The following RUNX1 variants were observed in gnomAD, a reference collection of about 807,000 sequenced individuals.
RUNX1 encodes the protein RUNX family transcription factor 1.
In RUNX1, 19 loss-of-function variants were observed where a neutral mutation model predicts 42.8. The ratio of observed to expected loss-of-function variants is 0.44; its 90% CI spans 0.31 to 0.65. The LOEUF (loss-of-function observed/expected upper bound fraction) is 0.65. Among genes scored for constraint, RUNX1 ranks in the 30% least tolerant of loss-of-function variants. The pLI, the probability that RUNX1 is intolerant of heterozygous loss-of-function variation, is 0.07. For synonymous variants in RUNX1, 271 were observed against 289.4 expected (o/e 0.94, Z 0.64); for missense variants, 528 against 672.0 (o/e 0.79, Z 2.37).
intron 7 of RUNX1, chr21:34,834,193 G>A (rs2057105770): frequency 1.4e-6 from 1 of 698,582 alleles, no homozygotes. Context: ...TGGGGATCTG[G>A]TTACAATGCA....
intron 2 of RUNX1, among the ~76,000 whole-genome samples, chr21:35,019,591 C>A (rs893786632): frequency 2.0e-5 from 3 of 152,142 alleles, no homozygotes; most frequent in Admixed American, 1.3e-4. Flanking sequence ...ATTCTGGAAT[C>A]ACAGCAAGAA....
At chr21:34,864,440 G>A (rs1345106287) in intron 5 of RUNX1, among the ~76,000 whole-genome samples, 1 of 152,218 alleles carries the variant, frequency 6.6e-6, no homozygotes, top group Non-Finnish European at 1.5e-5. Flanking sequence ...TGGAAGGATG[G>A]GGCTGCTGCC....
At chr21:34,823,214 C>G (rs946706223) in intron 7 of RUNX1, among the ~76,000 whole-genome samples, 30 of 152,204 alleles carry the variant, frequency 2.0e-4, no homozygotes, top group Admixed American at 1.9e-3. Context: ...CACAGATCTT[C>G]CCTAGGGATG....
At chr21:34,925,190 G>A (rs1306473398) in intron 2 of RUNX1, among the ~76,000 whole-genome samples, 2 of 152,122 alleles carry the variant, frequency 1.3e-5, no homozygotes, top group African/African-American at 4.8e-5. Context: ...CCATAGCACT[G>A]GTAGTTTGGG....
chr21:34,838,444 C>T (rs1018823765), intron 6 of RUNX1, among the ~76,000 whole-genome samples: 23 of 152,150 alleles, frequency 1.5e-4, no homozygotes, highest in African/African-American at 3.4e-4. Flanking sequence ...CATGATGAGC[C>T]GTTGAGCCAA....
At position 34,851,198 on chromosome 21, in the gene RUNX1, A is replaced by G. The variant is rs1336483469; in HGVS notation, c.613+8276T>C. ...TTCAGAACAAATTAGAAAGCCCTTT[A>G]AAAACTTTACAGCAAAAAAACGACG... On this transcript the variant is annotated intron_variant, in intron 6 of 8. Transcript: ENST00000675419. Among the ~76,000 whole-genome samples, 5 of 152,190 alleles carry G rather than the reference A, an allele frequency of 3.3e-5. No individual in the cohort carries two copies. In the East Asian group the frequency reaches 9.6e-4, roughly 29 times the overall value.
At position 34,973,398 on chromosome 21, in the gene RUNX1, G is replaced by A. The variant is rs145937490; in HGVS notation, c.58+75444C>T. ...TGGCTTCCTGACCTGGATTGGACAAGTCACATAATCTTTCCAGGACTAATC... is the reference window on the plus strand; with the variant it reads ...TGGCTTCCTGACCTGGATTGGACAAATCACATAATCTTTCCAGGACTAATC... On this transcript the variant is annotated intron_variant, in intron 2 of 8. Coordinates refer to ENST00000675419, the MANE Select transcript of RUNX1 (RefSeq NM_001754.5). Among the ~76,000 whole-genome samples the A allele has an allele frequency of 4.6e-5, 7 of 152,310 alleles. No homozygotes were observed. The East Asian group carries it at 1.3e-3, about 29-fold the overall frequency.
intron 2 of RUNX1, among the ~76,000 whole-genome samples, chr21:35,047,844 AC>A (rs1294601082): frequency 6.6e-6 from 1 of 152,206 alleles, no homozygotes; most frequent in Admixed American, 6.5e-5. Flanking sequence ...CTTTGCAGGC[AC>A]TGGTCAGAGT....
At chr21:34,876,116 G>A (rs1569075653) in intron 5 of RUNX1, among the ~76,000 whole-genome samples, 1 of 152,182 alleles carries the variant, frequency 6.6e-6, no homozygotes, top group Non-Finnish European at 1.5e-5. Context: ...CATCCTGACA[G>A]GCCACAGAAC....
chr21:34,908,935 CTG>C (rs574417905), intron 2 of RUNX1, among the ~76,000 whole-genome samples: 1 of 151,260 alleles, frequency 6.6e-6, no homozygotes, highest in African/African-American at 2.4e-5. Flanking sequence ...GCTGGTGTGT[CTG>C]TGTGTGTGTG....
chr21:34,882,648 C>T (rs74866945), intron 4 of RUNX1, among the ~76,000 whole-genome samples: 2,774 of 151,330 alleles, frequency 0.018, 78 homozygotes, highest in African/African-American at 0.063. Flanking sequence ...AAAGATATCA[C>T]GGAAATAAAT....
At chr21:34,926,837 CCCTAAAGACAT>C (rs1042286139) in intron 2 of RUNX1, among the ~76,000 whole-genome samples, 2 of 131,040 alleles carry the variant, frequency 1.5e-5, no homozygotes, top group African/African-American at 5.3e-5. Context: ...AACAGACATT[CCCTAAAGACAT>C]CAGCACCTTA....
chr21:34,918,210 C>A (rs570831287), intron 2 of RUNX1, among the ~76,000 whole-genome samples: 1 of 150,480 alleles, frequency 6.6e-6, no homozygotes, highest in Non-Finnish European at 1.5e-5. Flanking sequence ...TCTGATAAAT[C>A]GCTATGCAAT....
chr21:34,857,313 T>C (rs1376011108), intron 6 of RUNX1, among the ~76,000 whole-genome samples: 2 of 152,214 alleles, frequency 1.3e-5, no homozygotes, highest in Non-Finnish European at 2.9e-5. Context: ...CAGAGTAAAC[T>C]GTATATACAG....
At chr21:34,928,671 C>T (rs1173295127) in intron 2 of RUNX1, among the ~76,000 whole-genome samples, 2 of 144,782 alleles carry the variant, frequency 1.4e-5, no homozygotes, top group East Asian at 3.9e-4. Flanking sequence ...CAGAGTGCGA[C>T]TCCATCTTAA....
rs1024414741 is a variant in RUNX1, at chr21:35,047,874, G to A, written c.58+968C>T. On this transcript the variant is annotated intron_variant, in intron 2 of 8. Transcript: ENST00000675419. The stretch of plus-strand genomic sequence containing the variant: ...TCAGAGTGCGTGCCCCGACGCACAC[G>A]GCAATGCCTTTGAGACATTTTATGT... 8.5e-5 allele frequency among the ~76,000 whole-genome samples: 13 copies of A among 152,288 alleles called. No homozygotes were observed. In the East Asian group the frequency reaches 1.9e-3, roughly 23 times the overall value.
chr21:34,846,130 C>G (rs184281349), intron 6 of RUNX1, among the ~76,000 whole-genome samples: 2 of 151,512 alleles, frequency 1.3e-5, no homozygotes, highest in African/African-American at 4.8e-5. Context: ...TCTGACCAGC[C>G]AGCTTTGGGA....
intron 2 of RUNX1, among the ~76,000 whole-genome samples, chr21:35,044,746 G>T (rs1180293522): frequency 6.6e-6 from 1 of 152,192 alleles, no homozygotes; most frequent in East Asian, 1.9e-4. Flanking sequence ...GCCGTCCTCT[G>T]TCCCAGCATC....
intron 7 of RUNX1, 32 bp from the exon 8 acceptor site, chr21:34,799,494 A>G (rs200312776): frequency 3.1e-6 from 5 of 1,600,280 alleles, no homozygotes; most frequent in Admixed American, 3.3e-5. Flanking sequence ...AATTATATGT[A>G]AAGTGGGGTG....
Sources: allele counts gnomAD v4.1 joint callset (sites outside exome capture counted in the v4.1 genomes callset), GRCh38; gene constraint gnomAD v4.1.1; transcripts MANE v1.5; gene names NCBI Gene and HGNC (gene_info 2026-07-23, HGNC 2026-07-21).